CMTM8: variants seen among roughly 807,000 people sequenced by gnomAD.
CMTM8 encodes CKLF like MARVEL transmembrane domain containing 8, also known as CKLF-like MARVEL transmembrane domain-containing protein 8.
In CMTM8, 12 loss-of-function variants were observed where a neutral mutation model predicts 18.6. The ratio of observed to expected loss-of-function variants is 0.65; its 90% CI spans 0.41 to 1.05. The LOEUF is 1.05. Among genes scored for constraint, CMTM8 ranks in the 50% least tolerant of loss-of-function variants. CMTM8 has a pLI of 0.00. For synonymous variants in CMTM8, 87 were observed against 90.6 expected (o/e 0.96, Z 0.23); for missense variants, 217 against 227.2 (o/e 0.95, Z 0.29).
chr3:32,330,197 A>ATTTTT lies in CMTM8; in HGVS notation c.148-27160_148-27156dup, dbSNP rs57467295. On this transcript the variant is annotated intron_variant, in intron 1 of 3. Transcript: ENST00000307526. Reference sequence around the variant, plus strand: ...CAATCCCAGTCAAAATCCCAGTGGCATTTTTTTTTTTTTTTTTTTTGCAGA... The same window carrying ATTTTT: ...CAATCCCAGTCAAAATCCCAGTGGCATTTTTTTTTTTTTTTTTTTTTTTTTGCAGA... Among the ~76,000 whole-genome samples, 73 of 125,132 alleles carry ATTTTT rather than the reference A, an allele frequency of 5.8e-4. 1 individual carries two copies. The highest frequency in any genetic ancestry group is 1.0e-3 in the African/African-American group (34 of 32,980). The allele number at this position is 125,132 out of a possible 152,430, so 82.1% of individuals were successfully genotyped here.
chr3:32,304,849 A>C (rs895979810), intron 1 of CMTM8, among the ~76,000 whole-genome samples: 2 of 152,244 alleles, frequency 1.3e-5, no homozygotes, highest in Non-Finnish European at 2.9e-5. Context: ...CCATTGACTT[A>C]AGGAGACAGA....
At chr3:32,330,619 A>AG (rs1473200979) in intron 1 of CMTM8, among the ~76,000 whole-genome samples, 7 of 152,224 alleles carry the variant, frequency 4.6e-5, no homozygotes, top group African/African-American at 1.7e-4. Flanking sequence ...TCATATATGT[A>AG]GTCAAAAGAT....
In CMTM8 at chr3:32,298,457, T is replaced by A. The variant is rs1370082497; in HGVS notation, c.148-58916T>A. 2.0e-5 allele frequency among the ~76,000 whole-genome samples: 3 copies of A among 147,532 alleles called. 1 individual carries two copies. Among genetic ancestry groups the A allele is most frequent in the African/African-American group, 7.4e-5 (3 of 40,384 alleles). ...ACCCCCCTTTTTTTTTTTTTTTTTT[T>A]ACTTTCTGAAATCTTTCATTCTCTT... On this transcript the variant is annotated intron_variant, in intron 1 of 3. Transcript: ENST00000307526.
At chr3:32,278,051 G>A (rs1314408475) in intron 1 of CMTM8, among the ~76,000 whole-genome samples, 1 of 152,298 alleles carries the variant, frequency 6.6e-6, no homozygotes. Context: ...CACTTCTGTC[G>A]GTTTTCCCTG....
chr3:32,260,681 C>T (rs10865844), intron 1 of CMTM8, among the ~76,000 whole-genome samples: 101,525 of 135,140 alleles, frequency 0.75, 34,696 homozygotes, highest in Middle Eastern at 0.84. Context: ...TTTTTTTTTT[C>T]CCCCTGTTTT....
At chr3:32,303,760 T>C (rs1408413592) in intron 1 of CMTM8, among the ~76,000 whole-genome samples, 1 of 152,220 alleles carries the variant, frequency 6.6e-6, no homozygotes, top group Non-Finnish European at 1.5e-5. Flanking sequence ...TTTCTCTCGC[T>C]GTGTGAATGT....
At chr3:32,319,074 A>ATATATATATATATATATATTTTTTTTT in intron 1 of CMTM8, among the ~76,000 whole-genome samples, 1 of 31,532 alleles carries the variant, frequency 3.2e-5, no homozygotes, top group Non-Finnish European at 5.1e-5. Context: ...ATATATATAT[A>ATATATATATATATATATATTTTTTTTT]TTTTTTTTTT....
chr3:32,286,944 G>A (rs1702697739), intron 1 of CMTM8, among the ~76,000 whole-genome samples: 1 of 152,360 alleles, frequency 6.6e-6, no homozygotes, highest in African/African-American at 2.4e-5. Context: ...GTGGGCTCCA[G>A]CCCTGCCTGA....
At chr3:32,363,638 G>T (rs967878935) in intron 2 of CMTM8, among the ~76,000 whole-genome samples, 3 of 152,316 alleles carry the variant, frequency 2.0e-5, no homozygotes, top group South Asian at 2.1e-4. Flanking sequence ...ACATAGCTGT[G>T]AGCGCTGCAT....
chr3:32,344,503 G>A (rs1169349222), intron 1 of CMTM8, among the ~76,000 whole-genome samples: 1 of 152,168 alleles, frequency 6.6e-6, no homozygotes, highest in African/African-American at 2.4e-5. Flanking sequence ...TTTTAACACT[G>A]CCATCAGGTA....
At chr3:32,369,736 G>A (rs1206144237) in intron 3 of CMTM8, 148 bp from the exon 4 acceptor site, 5 of 473,704 alleles carry the variant, frequency 1.1e-5, no homozygotes, top group African/African-American at 1.9e-5. Context: ...GAGAAGGATA[G>A]TAATTGAACC....
At chr3:32,346,699 C>T (rs1009777537) in intron 1 of CMTM8, among the ~76,000 whole-genome samples, 4 of 152,130 alleles carry the variant, frequency 2.6e-5, no homozygotes, top group African/African-American at 2.4e-5. Context: ...AAAGGCCCTA[C>T]GTCCTGATAC....
At chr3:32,284,034 C>G (rs1702642698) in intron 1 of CMTM8, among the ~76,000 whole-genome samples, 1 of 152,196 alleles carries the variant, frequency 6.6e-6, no homozygotes, top group African/African-American at 2.4e-5. Context: ...GGCGGATCAC[C>G]TGAGGTCAGG....
intron 1 of CMTM8, among the ~76,000 whole-genome samples, chr3:32,249,958 A>C (rs1395931241): frequency 6.6e-6 from 1 of 152,284 alleles, no homozygotes; most frequent in East Asian, 1.9e-4. Flanking sequence ...GGCTTTGACT[A>C]ATCCAGGGTC....
At chr3:32,295,289 C>G (rs1283228635) in intron 1 of CMTM8, among the ~76,000 whole-genome samples, 1 of 151,638 alleles carries the variant, frequency 6.6e-6, no homozygotes, top group Non-Finnish European at 1.5e-5. Context: ...AACCCCATCT[C>G]TGTTAAAAAT....
intron 1 of CMTM8, among the ~76,000 whole-genome samples, chr3:32,328,939 T>TA (rs1051967927): frequency 6.6e-5 from 10 of 152,134 alleles, no homozygotes; most frequent in African/African-American, 1.9e-4. Context: ...GTAAAACTCT[T>TA]ACAAAAAATT....
rs1167227218 is a variant in CMTM8 at position 32,358,856 on chromosome 3, G to T, written c.321+1310G>T. ...GCTGCCTCAGATGGGCATCAGGAGG[G>T]AAAGACTCGCTTAGATGCTAGATTC... is the stretch of plus-strand genomic sequence containing the variant. On this transcript the variant is annotated intron_variant, in intron 2 of 3. Coordinates refer to ENST00000307526, the MANE Select transcript of CMTM8 (RefSeq NM_178868.5). This position sits in a 1 kb window ranked among gnomAD's most constrained non-coding sequence, Gnocchi z 4.1. 1.1e-4 allele frequency among the ~76,000 whole-genome samples: 17 copies of T among 152,158 alleles called. No homozygotes were observed. The highest frequency in any genetic ancestry group is 5.9e-5 in the Non-Finnish European group (4 of 68,022).
intron 1 of CMTM8, among the ~76,000 whole-genome samples, chr3:32,261,452 T>G (rs1435552607): frequency 6.6e-6 from 1 of 152,196 alleles, no homozygotes; most frequent in Non-Finnish European, 1.5e-5. Flanking sequence ...GAGGTGAAAT[T>G]CAAGAGGCAT....
At chr3:32,340,131 G>T (rs1012806502) in intron 1 of CMTM8, among the ~76,000 whole-genome samples, 2 of 152,152 alleles carry the variant, frequency 1.3e-5, no homozygotes, top group African/African-American at 2.4e-5. Context: ...GGTACTAATG[G>T]GTGAGAGTCC....
Sources: gnomAD v4.1 joint callset for allele counts (sites outside exome capture counted in the v4.1 genomes callset) on GRCh38, gnomAD v4.1.1 for gene constraint, Gnocchi (gnomAD v3.1) non-coding constraint, MANE v1.5 for transcripts, NCBI Gene and HGNC (gene_info 2026-07-23, HGNC 2026-07-21) for gene names.